The following USH2A variants were observed in gnomAD, a reference collection of about 807,000 sequenced individuals.
USH2A encodes Usher syndrome 2A (autosomal recessive, mild).
In USH2A, 443 loss-of-function variants were observed where a neutral mutation model predicts 538.9. The ratio of observed to expected loss-of-function variants is 0.82; its 90% CI spans 0.76 to 0.89. The LOEUF (loss-of-function observed/expected upper bound fraction) is 0.89, where lower values mean the gene tolerates loss of function less well. USH2A is among the 40% of genes least tolerant of loss of function. The probability of loss-of-function intolerance (pLI) is 0.00; values close to 1 mark genes in which losing one functional copy is unlikely to be tolerated. For synonymous variants in USH2A, 2,413 were observed against 2,273.5 expected, an observed-to-expected ratio of 1.06 and a Z score of -1.75; for missense variants, 6,633 against 6,324.8, an observed-to-expected ratio of 1.05 and a Z score of -1.65.
intron 11 of USH2A, among the ~76,000 whole-genome samples, chr1:216,284,292 T>C (rs1032289705): frequency 1.3e-5 from 2 of 152,108 alleles, no homozygotes; most frequent in African/African-American, 4.8e-5. Flanking sequence ...CAGGTGGAGA[T>C]AATTGAATCA....
At chr1:216,041,203 A>G (rs1482684581) in intron 32 of USH2A, among the ~76,000 whole-genome samples, 1 of 152,058 alleles carries the variant, frequency 6.6e-6, no homozygotes, top group Non-Finnish European at 1.5e-5. Context: ...GCAAACATCA[A>G]CAGCCTTCGG....
chr1:215,945,541 T>C (rs1666738141), intron 37 of USH2A, among the ~76,000 whole-genome samples: 1 of 152,182 alleles, frequency 6.6e-6, no homozygotes, highest in Non-Finnish European at 1.5e-5. Context: ...ATAAAGTTAT[T>C]TTAAAACATG....
chr1:216,305,415 T>TA (rs2037297071), intron 9 of USH2A, among the ~76,000 whole-genome samples: 2 of 152,186 alleles, frequency 1.3e-5, no homozygotes, highest in East Asian at 3.8e-4. Context: ...ATGTGTTAGA[T>TA]GAGTCTCTTG....
Position 216,046,474 on chromosome 1 carries a change from C to G in USH2A, c.6282G>C (p.Gly2094=). 6.2e-7 allele frequency: 1 copy of G among 1,613,720 alleles called. No individual in the cohort carries two copies. Among genetic ancestry groups the G allele is most frequent in the Non-Finnish European group, 8.5e-7 (1 of 1,179,760 alleles). The change falls in exon 32 of 72, where the codon GGG becomes GGC. Residue 2094 remains glycine (G), a synonymous_variant. Transcript: ENST00000307340. ...CCTCACTGCCTGAATAGATCAGCCTCCCATCCATGTATAAACAGTACTGAG... is the reference window on the plus strand; with the variant it reads ...CCTCACTGCCTGAATAGATCAGCCTGCCATCCATGTATAAACAGTACTGAG... ...IITQYCLYMD[G]RLIYSGSEEN...
intron 21 of USH2A, among the ~76,000 whole-genome samples, chr1:216,111,118 G>A (rs1372106747): frequency 6.6e-6 from 1 of 152,130 alleles, no homozygotes; most frequent in Non-Finnish European, 1.5e-5. Context: ...CAGCTACTCA[G>A]GAGGTTGCGG....
intron 58 of USH2A, among the ~76,000 whole-genome samples, chr1:215,748,517 T>C (rs908583740): frequency 2.6e-5 from 4 of 152,212 alleles, no homozygotes; most frequent in African/African-American, 9.6e-5. Flanking sequence ...TGCAAGCTAA[T>C]GATGATTGCT....
rs535923682 is a variant in USH2A at position 216,111,079 on chromosome 1, A to G, written c.4628-13866T>C. On this transcript the variant is annotated intron_variant, in intron 21 of 71. Coordinates refer to ENST00000307340, the MANE Select transcript of USH2A (RefSeq NM_206933.4). ...CATCTCTACCAAAAATACAAAAATT[A>G]GTTGGGCTCGTTGGCACACTTGTAA... 5.3e-4 allele frequency among the ~76,000 whole-genome samples: 81 copies of G among 152,194 alleles called. 2 individuals carry two copies. Among genetic ancestry groups the G allele is most frequent in the African/African-American group, 1.8e-3 (74 of 41,540 alleles).
At chr1:216,299,822 T>A (rs1034024706) in intron 9 of USH2A, among the ~76,000 whole-genome samples, 4 of 152,100 alleles carry the variant, frequency 2.6e-5, no homozygotes, top group Admixed American at 6.5e-5. Flanking sequence ...AAATATACAT[T>A]TTTTCCAAAA....
At chr1:215,681,484 T>C (rs1571954317) in intron 61 of USH2A, among the ~76,000 whole-genome samples, 1 of 152,188 alleles carries the variant, frequency 6.6e-6, no homozygotes, top group South Asian at 2.1e-4. Flanking sequence ...ATGTGATACA[T>C]GGTCTTCAAT....
At chr1:216,208,676 T>C (rs1008258849) in intron 15 of USH2A, among the ~76,000 whole-genome samples, 1 of 152,130 alleles carries the variant, frequency 6.6e-6, no homozygotes, top group Non-Finnish European at 1.5e-5. Flanking sequence ...CTAGGAAGAC[T>C]CAGGACTCAT....
chr1:215,797,431 T>C (rs1400635987), intron 50 of USH2A, among the ~76,000 whole-genome samples: 1 of 152,114 alleles, frequency 6.6e-6, no homozygotes, highest in Admixed American at 6.6e-5. Context: ...AGATGCCAAC[T>C]AGAGCTTTCA....
chr1:215,941,367 G>C (rs1453245770), intron 37 of USH2A, among the ~76,000 whole-genome samples: 3 of 152,092 alleles, frequency 2.0e-5, no homozygotes, highest in Non-Finnish European at 4.4e-5. Flanking sequence ...GATGTACTGT[G>C]ACTATTGTAA....
intron 3 of USH2A, among the ~76,000 whole-genome samples, chr1:216,390,037 T>C (rs2039078708): frequency 1.3e-5 from 2 of 152,150 alleles, no homozygotes; most frequent in Non-Finnish European, 2.9e-5. Context: ...AAAGAGAAAG[T>C]ATGCCAGTAA....
intron 38 of USH2A, among the ~76,000 whole-genome samples, chr1:215,932,256 C>A (rs1435110579): frequency 6.6e-6 from 1 of 151,908 alleles, no homozygotes; most frequent in African/African-American, 2.4e-5. Context: ...CTTCTCTGCC[C>A]ATAAGTTGGT....
intron 32 of USH2A, among the ~76,000 whole-genome samples, chr1:216,031,777 A>G (rs1168575410): frequency 6.6e-6 from 1 of 152,172 alleles, no homozygotes; most frequent in Non-Finnish European, 1.5e-5. Flanking sequence ...GCTTCTCACT[A>G]TTGATTACTT....
chr1:216,161,459 A>T (rs1277604015), intron 21 of USH2A, among the ~76,000 whole-genome samples: 4 of 152,186 alleles, frequency 2.6e-5, no homozygotes, highest in South Asian at 4.1e-4. Flanking sequence ...ATTTTACCAC[A>T]GTTTAGCTCC....
intron 12 of USH2A, among the ~76,000 whole-genome samples, chr1:216,250,496 G>GA (rs1183555344): frequency 1.3e-5 from 2 of 152,024 alleles, no homozygotes; most frequent in African/African-American, 2.4e-5. Context: ...AGAATATTTT[G>GA]AAAAAATCCA....
intron 44 of USH2A, among the ~76,000 whole-genome samples, chr1:215,852,671 C>G (rs1558128001): frequency 4.6e-5 from 7 of 152,136 alleles, no homozygotes; most frequent in Non-Finnish European, 1.5e-5. Context: ...AATGGGGGTA[C>G]AGGCATTGGG....
chr1:216,263,200 T>A (rs1032009195), intron 11 of USH2A, among the ~76,000 whole-genome samples: 2 of 152,098 alleles, frequency 1.3e-5, no homozygotes, highest in East Asian at 3.9e-4. Context: ...CAAACTTTAA[T>A]AGAAGAACTA....
Sources: gnomAD v4.1 joint callset for allele counts (sites outside exome capture counted in the v4.1 genomes callset) on GRCh38, gnomAD v4.1.1 for gene constraint, MANE v1.5 for transcripts, NCBI Gene and HGNC (gene_info 2026-07-23, HGNC 2026-07-21) for gene names.